The following DNMT1 variants were observed in gnomAD, a reference collection of about 807,000 sequenced individuals.
DNMT1 encodes the protein DNA (cytosine-5)-methyltransferase 1.
DNMT1 carries 24 observed loss-of-function variants against 205.3 expected under a neutral mutation model. That is an observed-to-expected ratio of 0.12 (90% CI 0.08 to 0.16). DNMT1 has a LOEUF of 0.16. Among genes scored for constraint, DNMT1 ranks in the 10% least tolerant of loss-of-function variants. DNMT1 has a pLI of 1.00. For missense variants in DNMT1, 1,293 were observed against 2,177.7 expected (o/e 0.59, Z 8.09); for synonymous variants, 817 against 839.8 (o/e 0.97, Z 0.47).
chr19:10,172,204 T>C (rs1003261883), intron 9 of DNMT1, among the ~76,000 whole-genome samples: 3 of 151,196 alleles, frequency 2.0e-5, no homozygotes, highest in African/African-American at 7.3e-5. Flanking sequence ...TCACCTGAGA[T>C]TGGGAGTTCA....
At chr19:10,180,671 T>A in intron 3 of DNMT1, 102 bp from the exon 4 acceptor site, 1 of 1,471,000 alleles carries the variant, frequency 6.8e-7, no homozygotes, top group Admixed American at 1.7e-5. Flanking sequence ...ATCATCATCA[T>A]CATCAGGCAA....
chr19:10,173,098 C>T lies in DNMT1; in HGVS notation c.760G>A (p.Asp254Asn). The T allele has an allele frequency of 6.2e-7, 1 of 1,614,102 alleles. No homozygotes were observed. The highest frequency in any genetic ancestry group is 8.5e-7 in the Non-Finnish European group (1 of 1,180,020). ...GTRTEKEEER[D>N]EKEEKRLRSQ... Reference sequence around the variant, plus strand: ...AGGTGATAGAGCTTTACTTTTTCATCTCTTTCTTCTTCCTTTTCAGTGCGC... The same window carrying T: ...AGGTGATAGAGCTTTACTTTTTCATTTCTTTCTTCTTCCTTTTCAGTGCGC... Residue 254 changes from aspartate to asparagine, a missense_variant, in exon 9 of 41, where the codon GAT (aspartate) becomes AAT (asparagine). Coordinates refer to ENST00000359526, the MANE Select transcript of DNMT1 (RefSeq NM_001130823.3).
At chr19:10,157,268 A>G (rs2038477253) in intron 17 of DNMT1, among the ~76,000 whole-genome samples, 1 of 152,064 alleles carries the variant, frequency 6.6e-6, no homozygotes, top group Admixed American at 6.5e-5. Context: ...TCACCTATTC[A>G]AGATACCTCA....
intron 17 of DNMT1, among the ~76,000 whole-genome samples, chr19:10,157,262 C>A (rs2038477000): frequency 6.6e-6 from 1 of 152,082 alleles, no homozygotes; most frequent in Admixed American, 6.6e-5. Flanking sequence ...ATGAATTCAC[C>A]TATTCAAGAT....
chr19:10,167,552 G>A (rs1272580441), intron 10 of DNMT1, among the ~76,000 whole-genome samples: 1 of 152,106 alleles, frequency 6.6e-6, no homozygotes, highest in Non-Finnish European at 1.5e-5. Context: ...TGCCCTTGTG[G>A]TCTGGCACAG....
At position 10,137,368 on chromosome 19, in the gene DNMT1, G is replaced by T; in HGVS notation, c.4294-88C>A. ...GGCTGGGAGCTGGGAACACCATGGT[G>T]ACCAGGAAGCCCCCTGGGGCTCACG... is the stretch of plus-strand genomic sequence containing the variant. On this transcript the variant is annotated intron_variant, in intron 36 of 40. Transcript: ENST00000359526. The surrounding 1 kb of genome is among the most constrained non-coding windows in gnomAD (Gnocchi z 6.4). 6.7e-7 allele frequency: 1 copy of T among 1,484,316 alleles called. No individual in the cohort carries two copies. Among genetic ancestry groups the T allele is most frequent in the South Asian group, 1.2e-5 (1 of 82,078 alleles). The allele number at this position is 1,484,316 out of a possible 1,614,324, so 91.9% of individuals were successfully genotyped here. A position where few individuals can be genotyped will look rare whatever the true frequency, so the allele number is the denominator to read the frequency against.
chr19:10,194,490 C>G (rs2039364175), intron 1 of DNMT1: 1 of 230,184 alleles, frequency 4.3e-6, no homozygotes, highest in Admixed American at 5.9e-5. Context: ...GAGTCAAGAG[C>G]CCGGCCCACC....
chr19:10,143,638 C>T (rs1037958314), intron 29 of DNMT1, 128 bp downstream of exon 29: 3 of 1,075,588 alleles, frequency 2.8e-6, no homozygotes, highest in Non-Finnish European at 4.3e-6. Context: ...TAATCAGAAA[C>T]ACTTGGAAAA....
Position 10,146,271 on chromosome 19 carries a change from T to G in DNMT1, c.2894+80A>C. ...CTGGTGCGGAGGGATTGGCAATGTC[T>G]GTAAGGAGGGGGACACCACAAAGCC... On this transcript the variant is annotated intron_variant, in intron 28 of 40. Transcript: ENST00000359526. The surrounding 1 kb of genome is among the most constrained non-coding windows in gnomAD (Gnocchi z 4.4). 1 of 1,554,642 alleles carries G rather than the reference T, an allele frequency of 6.4e-7. No individual in the cohort carries two copies. Among genetic ancestry groups the G allele is most frequent in the Non-Finnish European group, 8.8e-7 (1 of 1,140,702 alleles).
chr19:10,192,631 G>A (rs542926261), intron 1 of DNMT1, among the ~76,000 whole-genome samples: 7 of 152,002 alleles, frequency 4.6e-5, no homozygotes, highest in African/African-American at 7.3e-5. Flanking sequence ...AAGGAAGGCC[G>A]GGCCCAAACT....
rs1486528480 is a variant in DNMT1 at position 10,179,948 on chromosome 19, C to T, written c.493+239G>A. 3 of 193,496 alleles carry T rather than the reference C, an allele frequency of 1.6e-5. No individual in the cohort carries two copies. The Admixed American group carries it at 1.7e-4, about 11-fold the overall frequency. 12.0% of individuals were successfully genotyped at this position (193,496 alleles called of 1,614,324 possible). On this transcript the variant is annotated intron_variant, in intron 5 of 40. Coordinates refer to ENST00000359526, the MANE Select transcript of DNMT1 (RefSeq NM_001130823.3). The stretch of plus-strand genomic sequence containing the variant: ...GAGGTTGCAGTGAGCCGAGATCGCG[C>T]CATTGCACTCTATCCTGGGCGATAG...
In DNMT1 at chr19:10,159,977, C is replaced by T. The variant is rs377458129; in HGVS notation, c.1089+41G>A. On this transcript the variant is annotated intron_variant, in intron 15 of 40. Coordinates refer to ENST00000359526, the MANE Select transcript of DNMT1 (RefSeq NM_001130823.3). This position sits in a 1 kb window ranked among gnomAD's most constrained non-coding sequence, Gnocchi z 5.0. ...CTCAGAGAGCAGCTCCCAGCCGCCTCGTGAGCGCCGCCACCGGCTTTATTC... is the reference window on the plus strand; with the variant it reads ...CTCAGAGAGCAGCTCCCAGCCGCCTTGTGAGCGCCGCCACCGGCTTTATTC... 6.8e-6 allele frequency: 11 copies of T among 1,613,992 alleles called. No homozygotes were observed. The highest frequency in any genetic ancestry group is 5.3e-5 in the African/African-American group (4 of 74,890).
chr19:10,145,201 A>G (rs562235195), intron 28 of DNMT1, among the ~76,000 whole-genome samples: 1 of 152,340 alleles, frequency 6.6e-6, no homozygotes, highest in East Asian at 1.9e-4. Flanking sequence ...GTCAGCTGTC[A>G]CGTTCTCCCC....
At chr19:10,162,142 T>A (rs972743218) in intron 13 of DNMT1, among the ~76,000 whole-genome samples, 5 of 97,580 alleles carry the variant, frequency 5.1e-5, no homozygotes, top group Non-Finnish European at 8.0e-5. Context: ...GTGCCCAGCA[T>A]TTTTTTTTTT....
At chr19:10,153,125 A>G (rs189717287) in intron 22 of DNMT1, among the ~76,000 whole-genome samples, 1 of 152,292 alleles carries the variant, frequency 6.6e-6, no homozygotes, top group African/African-American at 2.4e-5. Flanking sequence ...ATCAAAGTTA[A>G]GAATACACAC....
rs373414787 is a variant in DNMT1 at position 10,139,632 on chromosome 19, C to T, written c.3948+44G>A. 1.8e-4 allele frequency: 294 copies of T among 1,600,192 alleles called. 1 individual carries two copies. The highest frequency in any genetic ancestry group is 8.3e-4 in the Middle Eastern group (4 of 4,818). ...GGATGGCTGGCTGCTGGCCGGGTCACGTGCTGGCCACATCTGTCTGCCCGC... is the reference window on the plus strand; with the variant it reads ...GGATGGCTGGCTGCTGGCCGGGTCATGTGCTGGCCACATCTGTCTGCCCGC... On this transcript the variant is annotated intron_variant, in intron 34 of 40. Transcript: ENST00000359526.
In DNMT1 at chr19:10,155,050, G is replaced by C; in HGVS notation, c.1499C>G (p.Ala500Gly). ...ACTGGGATCCATCAGAATGTATTCG[G>C]CAAATGCTGGGGTGAACAGAGGAGG... ...KALIGFSTSF[A>G]EYILMDPSPE... is the part of the protein sequence containing the mutation. The change falls in exon 20 of 41, where the codon GCC becomes GGC. Residue 500 changes from alanine (A) to glycine (G), a missense_variant. By Grantham distance (60) the Ala-to-Gly change is moderately conservative. Coordinates refer to ENST00000359526, the MANE Select transcript of DNMT1 (RefSeq NM_001130823.3). The C allele has an allele frequency of 6.2e-7, 1 of 1,614,084 alleles. No homozygotes were observed. The highest frequency in any genetic ancestry group is 2.2e-5 in the East Asian group (1 of 44,884).
rs1224551250 is a variant in DNMT1 at position 10,138,070 on chromosome 19, CAGG to C, written c.4116-64_4116-62del. On this transcript the variant is annotated intron_variant, in intron 35 of 40. Transcript: ENST00000359526. This position sits in a 1 kb window ranked among gnomAD's most constrained non-coding sequence, Gnocchi z 4.1. ...GCACGCAGCAGCTGTCCCCTCATCA[CAGG>C]TGCCACCCCCTGCCTGCTCAGATGG... 2.7e-3 allele frequency: 4,253 copies of C among 1,553,074 alleles called. 28 individuals carry two copies. The highest frequency in any genetic ancestry group is 2.9e-3 in the Non-Finnish European group (3,352 of 1,145,296).
intron 1 of DNMT1, among the ~76,000 whole-genome samples, chr19:10,190,083 G>C (rs1418948199): frequency 1.3e-5 from 2 of 152,144 alleles, no homozygotes; most frequent in Non-Finnish European, 2.9e-5. Context: ...AAACAAAAGA[G>C]GTAAGTCAAT....
Sources: allele counts gnomAD v4.1 joint callset (sites outside exome capture counted in the v4.1 genomes callset), GRCh38; gene constraint gnomAD v4.1.1; non-coding constraint Gnocchi (gnomAD v3.1); transcripts MANE v1.5; gene names NCBI Gene and HGNC (gene_info 2026-07-23, HGNC 2026-07-21).